METTL4: variants seen among roughly 807,000 people sequenced by gnomAD.
METTL4 encodes methyltransferase 4, N6-adenosine.
A neutral mutation model predicts 54.0 loss-of-function variants in METTL4; 40 were observed. The ratio of observed to expected loss-of-function variants is 0.74; its 90% CI spans 0.58 to 0.96. METTL4 has a LOEUF of 0.96. METTL4 is among the 50% of genes least tolerant of loss of function. The pLI, the probability that METTL4 is intolerant of heterozygous loss-of-function variation, is 0.00. For synonymous variants in METTL4, 169 were observed against 183.8 expected (o/e 0.92, Z 0.65); for missense variants, 525 against 549.0 (o/e 0.96, Z 0.44).
In METTL4 at chr18:2,549,222, C is replaced by T. The variant is rs116709669; in HGVS notation, c.900-1693G>A. 6.7e-3 allele frequency among the ~76,000 whole-genome samples: 1,020 copies of T among 152,304 alleles called. 11 individuals are homozygous for T. Among genetic ancestry groups the T allele is most frequent in the African/African-American group, 0.023 (965 of 41,568 alleles). On this transcript the variant is annotated intron_variant, in intron 5 of 8. Coordinates refer to ENST00000574538, the MANE Select transcript of METTL4 (RefSeq NM_022840.5). ...TGATTTCACCTATTAAAGCTTATCC[C>T]TCCGGTTGTATTCTCTTAGTCCCAT...
At chr18:2,563,700 C>T (rs1331632883) in intron 3 of METTL4, 97 bp downstream of exon 3, 4 of 700,198 alleles carry the variant, frequency 5.7e-6, no homozygotes, top group Non-Finnish European at 9.0e-6. Context: ...AAAATGATTG[C>T]TTGATTTTGA....
rs538092979 is a variant in METTL4, at chr18:2,537,540, T to A, written c.*1460A>T. 4 of 198,018 alleles carry A rather than the reference T, an allele frequency of 2.0e-5. No homozygotes were observed. The South Asian group carries it at 7.6e-4, about 38-fold the overall frequency. 12.3% of individuals were successfully genotyped at this position (198,018 alleles called of 1,614,324 possible). ...AGAATTCAAATGAGATCATGAGAAGTTTGCTTCAAGTTTAATACCTTTTTC... is the reference window on the plus strand; with the variant it reads ...AGAATTCAAATGAGATCATGAGAAGATTGCTTCAAGTTTAATACCTTTTTC... On this transcript the variant is annotated 3_prime_UTR_variant, in exon 9 of 9. Transcript: ENST00000574538.
At chr18:2,558,667 G>A (rs2072272834) in intron 3 of METTL4, among the ~76,000 whole-genome samples, 1 of 150,846 alleles carries the variant, frequency 6.6e-6, no homozygotes, top group African/African-American at 2.4e-5. Flanking sequence ...AAAACACAGA[G>A]ACAGTAAGGA....
At chr18:2,541,665 AT>A (rs1243453358) in intron 8 of METTL4, among the ~76,000 whole-genome samples, 2 of 152,208 alleles carry the variant, frequency 1.3e-5, no homozygotes, top group Non-Finnish European at 2.9e-5. Flanking sequence ...TTCAAAACTT[AT>A]GCAAATGTAT....
intron 5 of METTL4, among the ~76,000 whole-genome samples, chr18:2,548,997 T>C (rs1184887072): frequency 6.6e-6 from 1 of 152,224 alleles, no homozygotes; most frequent in Non-Finnish European, 1.5e-5. Flanking sequence ...TCAATTCTTT[T>C]ACTCATCCTT....
intron 8 of METTL4, chr18:2,540,991 T>C: frequency 1.2e-6 from 1 of 840,830 alleles, no homozygotes; most frequent in East Asian, 1.2e-4. Context: ...GTTTACAATC[T>C]AATGGAAAAT....
At position 2,538,934 on chromosome 18, in the gene METTL4, A is replaced by T; in HGVS notation, c.*66T>A. 1 of 1,530,238 alleles carries T rather than the reference A, an allele frequency of 6.5e-7. No homozygotes were observed. The allele number at this position is 1,530,238 out of a possible 1,614,324, so 94.8% of individuals were successfully genotyped here. A position where few individuals can be genotyped will look rare whatever the true frequency, so the allele number is the denominator to read the frequency against. ...GGGTTGGTAACAAAATAAAAAAATG[A>T]CTTAGAATTAAGGGAAAAGTGGTGA... On this transcript the variant is annotated 3_prime_UTR_variant, in exon 9 of 9. Coordinates refer to ENST00000574538, the MANE Select transcript of METTL4 (RefSeq NM_022840.5).
At chr18:2,547,723 T>A (rs183260574) in intron 5 of METTL4, among the ~76,000 whole-genome samples, 194 bp from the exon 6 acceptor site, 6 of 148,882 alleles carry the variant, frequency 4.0e-5, no homozygotes, top group African/African-American at 1.2e-4. Flanking sequence ...ACCTTTTTTT[T>A]AACTAGTTTA....
intron 3 of METTL4, among the ~76,000 whole-genome samples, chr18:2,559,733 T>G (rs1034158421): frequency 6.6e-6 from 1 of 152,202 alleles, no homozygotes; most frequent in African/African-American, 2.4e-5. Context: ...AACACATTTC[T>G]GTTTTTTGTT....
chr18:2,542,440 A>G (rs952029790), intron 8 of METTL4, among the ~76,000 whole-genome samples: 1 of 146,210 alleles, frequency 6.8e-6, no homozygotes, highest in East Asian at 2.0e-4. Flanking sequence ...CCTGAGGCTC[A>G]TCTTTAAATA....
chr18:2,539,807 A>T, intron 8 of METTL4: 1 of 949,782 alleles, frequency 1.1e-6, no homozygotes, highest in Non-Finnish European at 1.2e-6. Context: ...AATATAACCC[A>T]TACATGAAAA....
intron 4 of METTL4, 124 bp from the exon 5 acceptor site, chr18:2,552,888 G>A: frequency 1.6e-6 from 1 of 624,104 alleles, no homozygotes; most frequent in South Asian, 1.9e-5. Context: ...GCACCAAAGG[G>A]ATCTGTATAT....
chr18:2,559,876 T>C (rs1289330433), intron 3 of METTL4, among the ~76,000 whole-genome samples: 7 of 152,140 alleles, frequency 4.6e-5, no homozygotes, highest in Middle Eastern at 3.2e-3. Context: ...GCTGGGGTTA[T>C]AGGTGCCCAC....
intron 6 of METTL4, among the ~76,000 whole-genome samples, chr18:2,545,949 C>T (rs1433925711): frequency 6.6e-6 from 1 of 152,062 alleles, no homozygotes; most frequent in Non-Finnish European, 1.5e-5. Flanking sequence ...ATCTTAGTTT[C>T]TATGTATTAA....
intron 3 of METTL4, among the ~76,000 whole-genome samples, chr18:2,558,036 A>C (rs575976971): frequency 6.6e-6 from 1 of 152,370 alleles, no homozygotes; most frequent in East Asian, 1.9e-4. Flanking sequence ...CTAAAGACAC[A>C]GAAGTTCTGA....
chr18:2,540,362 T>TA (rs2071976910), intron 8 of METTL4: 1 of 980,360 alleles, frequency 1.0e-6, no homozygotes, highest in East Asian at 1.1e-4. Context: ...AGATTGCGCT[T>TA]GGAAGAAATC....
At chr18:2,563,051 T>C (rs186952137) in intron 3 of METTL4, among the ~76,000 whole-genome samples, 1 of 152,006 alleles carries the variant, frequency 6.6e-6, no homozygotes, top group African/African-American at 2.4e-5. Flanking sequence ...GAAAAAAAAA[T>C]TAAGCTTAAA....
intron 2 of METTL4, among the ~76,000 whole-genome samples, chr18:2,564,217 C>A (rs188693180): frequency 6.7e-6 from 1 of 148,756 alleles, no homozygotes; most frequent in Non-Finnish European, 1.5e-5. Flanking sequence ...TCCCGGCTAA[C>A]ATGGTGAAAC....
chr18:2,564,081 G>A (rs141283010), intron 2 of METTL4, among the ~76,000 whole-genome samples: 4 of 152,170 alleles, frequency 2.6e-5, no homozygotes, highest in Admixed American at 2.0e-4. Context: ...GATTGTAAAA[G>A]GTCACCTCAG....
Sources: gnomAD v4.1 joint callset for allele counts (sites outside exome capture counted in the v4.1 genomes callset) on GRCh38, gnomAD v4.1.1 for gene constraint, MANE v1.5 for transcripts, NCBI Gene and HGNC (gene_info 2026-07-23, HGNC 2026-07-21) for gene names.